SKAP1: variants seen among roughly 807,000 people sequenced by gnomAD.
SKAP1 encodes src kinase associated phosphoprotein 1.
SKAP1 carries 44 observed loss-of-function variants against 58.5 expected under a neutral mutation model. That is an observed-to-expected ratio of 0.75 (90% CI 0.59 to 0.97). SKAP1 has a LOEUF of 0.97. Ranked by LOEUF, SKAP1 falls within the 50% of genes least tolerant of loss-of-function variation. SKAP1 has a pLI of 0.00. For synonymous variants in SKAP1, 127 were observed against 149.7 expected (o/e 0.85, Z 1.11); for missense variants, 390 against 435.2 (o/e 0.90, Z 0.92).
intron 4 of SKAP1, 68 bp downstream of exon 4, chr17:48,345,837 G>A: frequency 5.5e-6 from 6 of 1,095,262 alleles, no homozygotes; most frequent in Non-Finnish European, 8.3e-6. Context: ...ATGACAAAAG[G>A]CAAAGATGTC....
intron 11 of SKAP1, among the ~76,000 whole-genome samples, chr17:48,156,684 G>A (rs1316169111): frequency 6.6e-6 from 1 of 152,204 alleles, no homozygotes; most frequent in African/African-American, 2.4e-5. Flanking sequence ...CACTGCATGG[G>A]GCCAAGGAAT....
chr17:48,324,157 AAC>A (rs2066402837), intron 4 of SKAP1, among the ~76,000 whole-genome samples: 1 of 152,164 alleles, frequency 6.6e-6, no homozygotes, highest in Non-Finnish European at 1.5e-5. Flanking sequence ...ATAATCTTAT[AAC>A]ACAGAAAAAC....
intron 3 of SKAP1, among the ~76,000 whole-genome samples, chr17:48,349,466 T>C (rs1008034420): frequency 1.3e-5 from 2 of 152,242 alleles, no homozygotes; most frequent in Non-Finnish European, 2.9e-5. Flanking sequence ...AATATATTTC[T>C]ATACAGATAT....
rs765566555 is a variant in SKAP1 at position 48,170,600 on chromosome 17, C to T, written c.877+9G>A. 42 of 1,612,516 alleles carry T rather than the reference C, an allele frequency of 2.6e-5. No homozygotes were observed. The highest frequency in any genetic ancestry group is 3.0e-5 in the Non-Finnish European group (35 of 1,178,766). ...TACCCAGTGCCTGTGCATTTAGAAG[C>T]TCTTATACCTCCTTTTCGTCGAGTG... On this transcript the variant is annotated intron_variant, in intron 10 of 12. Transcript: ENST00000336915.
chr17:48,218,630 T>C (rs2064967966), intron 4 of SKAP1, among the ~76,000 whole-genome samples: 1 of 152,128 alleles, frequency 6.6e-6, no homozygotes, highest in South Asian at 2.1e-4. Context: ...TGCAAAGAAT[T>C]AGAAAACAAT....
intron 1 of SKAP1, among the ~76,000 whole-genome samples, chr17:48,426,257 A>T (rs777648417): frequency 1.3e-5 from 2 of 152,266 alleles, no homozygotes; most frequent in Non-Finnish European, 2.9e-5. Flanking sequence ...GGCATATCAG[A>T]ATCAGCATTA....
At chr17:48,159,672 G>A (rs2064040899) in intron 11 of SKAP1, among the ~76,000 whole-genome samples, 1 of 152,170 alleles carries the variant, frequency 6.6e-6, no homozygotes, top group African/African-American at 2.4e-5. Flanking sequence ...CTGAACTTCT[G>A]AATAGACAGA....
chr17:48,229,561 C>A (rs866131847), intron 4 of SKAP1, among the ~76,000 whole-genome samples: 6 of 151,976 alleles, frequency 3.9e-5, no homozygotes, highest in Non-Finnish European at 8.8e-5. Context: ...GCAGAGGTTG[C>A]AGTGAGCTGA....
At chr17:48,307,059 A>C (rs763548933) in intron 4 of SKAP1, among the ~76,000 whole-genome samples, 20 of 152,208 alleles carry the variant, frequency 1.3e-4, no homozygotes, top group Non-Finnish European at 2.6e-4. Flanking sequence ...TACCTATAGC[A>C]ACATTACTTA....
At chr17:48,331,275 A>T (rs899770671) in intron 4 of SKAP1, among the ~76,000 whole-genome samples, 27 of 152,200 alleles carry the variant, frequency 1.8e-4, no homozygotes, top group African/African-American at 6.0e-4. Flanking sequence ...GGATTTTTTA[A>T]AAAAAAATAA....
In SKAP1 at chr17:48,402,831, C is replaced by T. The variant is rs548168973; in HGVS notation, c.47-6046G>A. ...GAGCCAGTCACAAAGGACCACATAT[C>T]GTATGATTCCATTTACATGAAATGT... On this transcript the variant is annotated intron_variant, in intron 1 of 12. Coordinates refer to ENST00000336915, the MANE Select transcript of SKAP1 (RefSeq NM_003726.4). 1.6e-4 allele frequency among the ~76,000 whole-genome samples: 24 copies of T among 152,188 alleles called. No individual in the cohort carries two copies. The East Asian group carries it at 3.5e-3, about 22-fold the overall frequency.
chr17:48,325,807 A>T (rs1423728679), intron 4 of SKAP1, among the ~76,000 whole-genome samples: 1 of 152,224 alleles, frequency 6.6e-6, no homozygotes, highest in Non-Finnish European at 1.5e-5. Flanking sequence ...AGAGAGAAGC[A>T]TTCATTAGTA....
At chr17:48,241,353 T>G (rs2065241951) in intron 4 of SKAP1, among the ~76,000 whole-genome samples, 2 of 152,272 alleles carry the variant, frequency 1.3e-5, no homozygotes, top group East Asian at 3.9e-4. Flanking sequence ...TCTGTGTGCA[T>G]GTGTGGAGGT....
intron 4 of SKAP1, among the ~76,000 whole-genome samples, chr17:48,318,493 T>G (rs1183763290): frequency 6.6e-6 from 1 of 152,220 alleles, no homozygotes; most frequent in Non-Finnish European, 1.5e-5. Context: ...CCGTCACAAT[T>G]AGGCTCTCAT....
intron 4 of SKAP1, chr17:48,232,023 T>C (rs928199423): frequency 6.6e-6 from 1 of 152,248 alleles, no homozygotes; most frequent in Non-Finnish European, 1.5e-5. Flanking sequence ...TAAGAACAGA[T>C]CTCTCCTTCC....
At chr17:48,234,635 A>C (rs1200882898) in intron 4 of SKAP1, among the ~76,000 whole-genome samples, 1 of 152,202 alleles carries the variant, frequency 6.6e-6, no homozygotes, top group Non-Finnish European at 1.5e-5. Flanking sequence ...TTTATTCAGC[A>C]TCTGTTATAT....
chr17:48,233,718 T>C (rs2065149547), intron 4 of SKAP1, among the ~76,000 whole-genome samples: 1 of 152,016 alleles, frequency 6.6e-6, no homozygotes, highest in African/African-American at 2.4e-5. Context: ...TAGCCGGGCA[T>C]AGTGGCTCGC....
the SKAP1 span, among the ~76,000 whole-genome samples, chr17:48,443,289 C>A: frequency 6.6e-6 from 1 of 152,202 alleles, no homozygotes; most frequent in Non-Finnish European, 1.5e-5. Flanking sequence ...ATGGCAAAAA[C>A]AGCAATTACT....
intron 4 of SKAP1, among the ~76,000 whole-genome samples, chr17:48,343,517 T>G (rs1300477154): frequency 6.6e-6 from 1 of 151,774 alleles, no homozygotes; most frequent in Non-Finnish European, 1.5e-5. Context: ...GGTCTATTCC[T>G]ACCTCTACCA....
Sources: allele counts gnomAD v4.1 joint callset (sites outside exome capture counted in the v4.1 genomes callset), GRCh38; gene constraint gnomAD v4.1.1; transcripts MANE v1.5; gene names NCBI Gene and HGNC (gene_info 2026-07-23, HGNC 2026-07-21).